Variants in MON1A observed in about 807,000 individuals in gnomAD.
MON1A encodes the protein MON1 vesicular trafficking associated A.
Under a neutral mutation model 44.6 loss-of-function variants are expected in MON1A, and 29 were observed. The observed-to-expected ratio is 0.65, with a 90% CI of 0.48 to 0.89. The LOEUF is 0.89. Among genes scored for constraint, MON1A ranks in the 40% least tolerant of loss-of-function variants. The pLI, the probability that MON1A is intolerant of heterozygous loss-of-function variation, is 0.00. For missense variants in MON1A, 615 were observed against 759.6 expected, an observed-to-expected ratio of 0.81 and a Z score of 2.24; for synonymous variants, 275 against 316.4, an observed-to-expected ratio of 0.87 and a Z score of 1.39.
Position 49,911,908 on chromosome 3 carries a change from G to A in MON1A, c.231C>T (p.Thr77=), listed in dbSNP as rs368492446. The part of the protein sequence containing the change: ...AASGDSHKEG[T]RGPPPLPTDM... ...CTGTAGGCAGCGGCGGGGGACCCCT[G>A]GTACCCTCCTTGTGGCTGTCCCCAG... is the stretch of plus-strand genomic sequence containing the variant. Residue 77 remains threonine, a synonymous_variant, in exon 3 of 6, where the codon ACC becomes ACT. Coordinates refer to ENST00000296473, the MANE Select transcript of MON1A (RefSeq NM_032355.4). The surrounding 1 kb of genome is among the most constrained non-coding windows in gnomAD (Gnocchi z 5.7). 6.2e-7 allele frequency: 1 copy of A among 1,613,886 alleles called. No individual in the cohort carries two copies. Among genetic ancestry groups the A allele is most frequent in the Non-Finnish European group, 8.5e-7 (1 of 1,179,982 alleles).
rs772417019 is a variant in MON1A, at chr3:49,910,622, C to T, written c.876G>A (p.Ala292=). The T allele has an allele frequency of 1.9e-6, 3 of 1,602,222 alleles. No homozygotes were observed. Among genetic ancestry groups the T allele is most frequent in the Non-Finnish European group, 2.6e-6 (3 of 1,173,370 alleles). Residue 292 remains alanine, a synonymous_variant, in exon 4 of 6, where the codon GCG becomes GCA. Transcript: ENST00000296473. The surrounding 1 kb of genome is among the most constrained non-coding windows in gnomAD (Gnocchi z 8.0). ...MARDPSFLMG[A]ARCLPLAAAV... ...CCGCCGCCAGGGGCAGGCACCGTGC[C>T]GCCCCCATCAGGAAGCTGGGGTCTC...
At chr3:49,920,921 G>T (rs2082990325) in intron 1 of MON1A, among the ~76,000 whole-genome samples, 1 of 151,860 alleles carries the variant, frequency 6.6e-6, no homozygotes, top group Non-Finnish European at 1.5e-5. Context: ...ACTTTGGGAG[G>T]CCAAAGCAAG....
intron 1 of MON1A, chr3:49,929,228 A>T (rs2083074341): frequency 9.5e-6 from 3 of 316,744 alleles, no homozygotes. Flanking sequence ...GTCTAAAAAC[A>T]ACAAAGCAAA....
chr3:49,910,493 T>C lies in MON1A; in HGVS notation c.1005A>G (p.Arg335=). 6.2e-7 allele frequency: 1 copy of C among 1,614,008 alleles called. No homozygotes were observed. The highest frequency in any genetic ancestry group is 8.5e-7 in the Non-Finnish European group (1 of 1,179,942). ...CGATGGGGTGCAGAAATTGGTCCTT[T>C]CGGCGCACGAGTGCCACGAGCTGGT... is the stretch of plus-strand genomic sequence containing the variant. ...ARNQLVALVR[R]KDQFLHPIDL... Residue 335 remains arginine, a synonymous_variant, in exon 4 of 6, where the codon CGA becomes CGG. Coordinates refer to ENST00000296473, the MANE Select transcript of MON1A (RefSeq NM_032355.4). This position sits in a 1 kb window ranked among gnomAD's most constrained non-coding sequence, Gnocchi z 8.0.
chr3:49,917,699 C>T (rs980175540), intron 1 of MON1A, among the ~76,000 whole-genome samples: 5 of 152,170 alleles, frequency 3.3e-5, no homozygotes, highest in African/African-American at 1.2e-4. Flanking sequence ...ATACTCAGCA[C>T]TATCAGCAAA....
Position 49,909,595 on chromosome 3 carries a change from G to C in MON1A, c.1380-195C>G. ...CAGGGCTGGGCCCACTGAGACTAGA[G>C]CTATGTCCCCTCTTACCCCCTAAGC... On this transcript the variant is annotated intron_variant, in intron 4 of 5. Transcript: ENST00000296473. The surrounding 1 kb of genome is among the most constrained non-coding windows in gnomAD (Gnocchi z 4.0). 4 of 671,684 alleles carry C rather than the reference G, an allele frequency of 6.0e-6. No individual in the cohort carries two copies. The highest frequency in any genetic ancestry group is 7.4e-6 in the Non-Finnish European group (3 of 405,954). 41.6% of individuals were successfully genotyped at this position (671,684 alleles called of 1,614,324 possible). A position where few individuals can be genotyped will look rare whatever the true frequency, so the allele number is the denominator to read the frequency against.
chr3:49,919,201 A>G (rs1341704351), intron 1 of MON1A, among the ~76,000 whole-genome samples: 1 of 152,020 alleles, frequency 6.6e-6, no homozygotes, highest in Non-Finnish European at 1.5e-5. Flanking sequence ...AAAACCAAAC[A>G]ATTTTGGGGG....
Position 49,929,789 on chromosome 3 carries a change from C to A in MON1A, c.-194G>T, listed in dbSNP as rs756080268. 2.1e-5 allele frequency: 32 copies of A among 1,548,200 alleles called. No homozygotes were observed. Among genetic ancestry groups the A allele is most frequent in the Non-Finnish European group, 2.4e-5 (27 of 1,146,710 alleles). On this transcript the variant is annotated 5_prime_UTR_variant, in exon 1 of 6. Coordinates refer to ENST00000296473, the MANE Select transcript of MON1A (RefSeq NM_032355.4). ...GCACCGCTCCCTCCCACCGCCCTCA[C>A]CCGGCCGCCGGTGCAGGAAGATAGC...
intron 1 of MON1A, among the ~76,000 whole-genome samples, chr3:49,925,009 T>C (rs963242849): frequency 1.3e-5 from 2 of 152,232 alleles, no homozygotes; most frequent in Non-Finnish European, 2.9e-5. Flanking sequence ...CCACAAGAAC[T>C]GTATGAGATA....
At chr3:49,929,099 G>A (rs1244943206) in intron 1 of MON1A, among the ~76,000 whole-genome samples, 1 of 152,214 alleles carries the variant, frequency 6.6e-6, no homozygotes, top group East Asian at 1.9e-4. Context: ...GCGCATGCCT[G>A]TAATCCCAGC....
Position 49,910,787 on chromosome 3 carries a change from G to A in MON1A, c.711C>T (p.Leu237=). 1 of 1,614,056 alleles carries A rather than the reference G, an allele frequency of 6.2e-7. No individual in the cohort carries two copies. The highest frequency in any genetic ancestry group is 8.5e-7 in the Non-Finnish European group (1 of 1,179,996). The change falls in exon 4 of 6, where the codon CTC becomes CTT. Residue 237 remains leucine, a synonymous_variant. Coordinates refer to ENST00000296473, the MANE Select transcript of MON1A (RefSeq NM_032355.4). This position sits in a 1 kb window ranked among gnomAD's most constrained non-coding sequence, Gnocchi z 8.0. ...QSAQELAQEL[L]YIYYQILSLL... ...GGCTTAGGATCTGGTAGTAGATGTA[G>A]AGCAGCTCCTGCGCCAGCTCTTGTG... is the stretch of plus-strand genomic sequence containing the variant.
At chr3:49,917,931 C>T (rs2082961079) in intron 1 of MON1A, among the ~76,000 whole-genome samples, 1 of 151,786 alleles carries the variant, frequency 6.6e-6, no homozygotes, top group African/African-American at 2.4e-5. Flanking sequence ...GCTTATAATC[C>T]CAGCTACTCA....
At chr3:49,917,568 G>A (rs1375476348) in intron 1 of MON1A, among the ~76,000 whole-genome samples, 8 of 151,636 alleles carry the variant, frequency 5.3e-5, no homozygotes, top group African/African-American at 1.9e-4. Context: ...GATTACAGGC[G>A]TAAGCCACCA....
intron 1 of MON1A, chr3:49,915,965 GAGGGGATCC>G (rs2082939495): frequency 6.6e-6 from 1 of 152,230 alleles, no homozygotes; most frequent in African/African-American, 2.4e-5. Context: ...GTTCACCCAA[GAGGGGATCC>G]ATTCCAGGTA....
chr3:49,927,168 C>T (rs2083059131), intron 1 of MON1A, among the ~76,000 whole-genome samples: 1 of 152,174 alleles, frequency 6.6e-6, no homozygotes, highest in Non-Finnish European at 1.5e-5. Context: ...CTCTGTCACA[C>T]CTGTGATGTG....
At chr3:49,917,763 C>T (rs536235015) in intron 1 of MON1A, among the ~76,000 whole-genome samples, 1 of 150,698 alleles carries the variant, frequency 6.6e-6, no homozygotes, top group African/African-American at 2.4e-5. Flanking sequence ...AGAGAACTTC[C>T]GGGGCGAGTG....
intron 1 of MON1A, among the ~76,000 whole-genome samples, chr3:49,921,360 G>A (rs1372809567): frequency 2.0e-5 from 3 of 149,978 alleles, no homozygotes; most frequent in East Asian, 2.1e-4. Context: ...AGGTTTCACC[G>A]TGTTAGCCAA....
chr3:49,920,173 C>T (rs1403006786), intron 1 of MON1A, among the ~76,000 whole-genome samples: 3 of 152,236 alleles, frequency 2.0e-5, no homozygotes, highest in African/African-American at 7.2e-5. Context: ...CAACGACCTC[C>T]AGGATCATCT....
chr3:49,915,007 T>C (rs531280487), intron 1 of MON1A, among the ~76,000 whole-genome samples: 1 of 152,302 alleles, frequency 6.6e-6, no homozygotes, highest in African/African-American at 2.4e-5. Flanking sequence ...GTACATAAAA[T>C]GTAAATAATT....
Sources: allele counts gnomAD v4.1 joint callset (sites outside exome capture counted in the v4.1 genomes callset), GRCh38; gene constraint gnomAD v4.1.1; non-coding constraint Gnocchi (gnomAD v3.1); transcripts MANE v1.5; gene names NCBI Gene and HGNC (gene_info 2026-07-23, HGNC 2026-07-21).